TENM3: variants seen among roughly 807,000 people sequenced by gnomAD.
The protein encoded by TENM3 is teneurin transmembrane protein 3.
Under a neutral mutation model 255.1 loss-of-function variants are expected in TENM3, and 63 were observed. The observed-to-expected ratio is 0.25, with a 90% CI of 0.20 to 0.30. The LOEUF (loss-of-function observed/expected upper bound fraction) is 0.30. TENM3 is among the 10% of genes least tolerant of loss of function. The pLI is 1.00. For synonymous variants in TENM3, 1,306 were observed against 1,322.3 expected (o/e 0.99, Z 0.27); for missense variants, 2,929 against 3,461.1 (o/e 0.85, Z 3.86).
At chr4:182,481,902 T>C (rs1020933262) in intron 3 of TENM3, among the ~76,000 whole-genome samples, 2 of 152,242 alleles carry the variant, frequency 1.3e-5, no homozygotes, top group Non-Finnish European at 2.9e-5. Context: ...AGAAGTGATA[T>C]TTTCTTTGTT....
At chr4:182,724,907 G>A (rs751256836) in intron 13 of TENM3, among the ~76,000 whole-genome samples, 4 of 152,172 alleles carry the variant, frequency 2.6e-5, no homozygotes, top group Non-Finnish European at 4.4e-5. Context: ...CCAAGCATAT[G>A]TACCCATTCG....
intron 4 of TENM3, among the ~76,000 whole-genome samples, chr4:182,605,350 G>A (rs1748307172): frequency 6.6e-6 from 1 of 152,134 alleles, no homozygotes; most frequent in South Asian, 2.1e-4. Flanking sequence ...CAGGGTACCT[G>A]TGGGGAAAAG....
At chr4:181,465,468 G>A in the TENM3 span, among the ~76,000 whole-genome samples, 1 of 152,034 alleles carries the variant, frequency 6.6e-6, no homozygotes, top group Non-Finnish European at 1.5e-5. Flanking sequence ...GATTATTCTT[G>A]AACTTCTCTC....
chr4:181,951,051 A>G, the TENM3 span, among the ~76,000 whole-genome samples: 6 of 152,086 alleles, frequency 3.9e-5, no homozygotes, highest in Non-Finnish European at 7.3e-5. Flanking sequence ...CAGAAAAACA[A>G]AAACATCAAC....
chr4:182,169,046 G>C (rs1751916328), intron 1 of TENM3, among the ~76,000 whole-genome samples: 1 of 147,916 alleles, frequency 6.8e-6, no homozygotes. Flanking sequence ...AACGTATATG[G>C]ACAGATATAT....
At chr4:182,787,052 A>G (rs1007304479) in intron 24 of TENM3, among the ~76,000 whole-genome samples, 3 of 152,216 alleles carry the variant, frequency 2.0e-5, no homozygotes, top group African/African-American at 7.2e-5. Context: ...TAAAATATAT[A>G]TATGTAACTA....
chr4:182,559,130 T>A (rs1742885016), intron 3 of TENM3, among the ~76,000 whole-genome samples: 1 of 62,580 alleles, frequency 1.6e-5, no homozygotes. Flanking sequence ...CCTCGGGATT[T>A]TTTTTTTTTT....
the TENM3 span, among the ~76,000 whole-genome samples, chr4:181,663,838 A>G: frequency 2.4e-3 from 369 of 152,254 alleles, 1 homozygote; most frequent in African/African-American, 8.3e-3. Flanking sequence ...TTTCCTTGCC[A>G]TGCTTTTTGA....
intron 3 of TENM3, among the ~76,000 whole-genome samples, chr4:182,564,762 G>A (rs756708810): frequency 3.3e-5 from 5 of 151,980 alleles, no homozygotes; most frequent in African/African-American, 1.2e-4. Context: ...CCTCCATCTG[G>A]TAGTTGATCT....
At chr4:182,226,278 G>A (rs1172730734) in intron 1 of TENM3, among the ~76,000 whole-genome samples, 1 of 152,126 alleles carries the variant, frequency 6.6e-6, no homozygotes, top group African/African-American at 2.4e-5. Flanking sequence ...AGGAGACTGT[G>A]CTAAGAGTGA....
At position 182,799,612 on chromosome 4, in the gene TENM3, A is replaced by G. The variant is rs1766756231; in HGVS notation, c.7361A>G (p.Gln2454Arg). ...WDDIPPIFGV[Q>R]QQVARQAKAF... Reference sequence around the variant, plus strand: ...CGCCCGCAGCCCATCTTCGGAGTCCAGCAGCAAGTGGCGCGGCAGGCCAAG... The same window carrying G: ...CGCCCGCAGCCCATCTTCGGAGTCCGGCAGCAAGTGGCGCGGCAGGCCAAG... The change falls in exon 28 of 28, where the codon CAG becomes CGG. Residue 2454 changes from glutamine (Q) to arginine (R), a missense_variant. Transcript: ENST00000511685. This position sits in a 1 kb window ranked among gnomAD's most constrained non-coding sequence, Gnocchi z 4.2. 1 of 1,542,086 alleles carries G rather than the reference A, an allele frequency of 6.5e-7. No individual in the cohort carries two copies. Among genetic ancestry groups the G allele is most frequent in the South Asian group, 1.2e-5 (1 of 84,032 alleles).
intron 12 of TENM3, among the ~76,000 whole-genome samples, chr4:182,713,347 A>G (rs1337052231): frequency 6.6e-6 from 1 of 152,174 alleles, no homozygotes; most frequent in Non-Finnish European, 1.5e-5. Flanking sequence ...CAGCTATTAC[A>G]TTTAGTTGGA....
At chr4:182,479,964 T>C (rs186133358) in intron 3 of TENM3, among the ~76,000 whole-genome samples, 1 of 152,112 alleles carries the variant, frequency 6.6e-6, no homozygotes, top group Admixed American at 6.5e-5. Flanking sequence ...TAAATGTATT[T>C]AGAAAAGACA....
chr4:182,161,639 GTA>G (rs147887811), intron 1 of TENM3, among the ~76,000 whole-genome samples: 29,793 of 87,658 alleles, frequency 0.34, 6,386 homozygotes, highest in South Asian at 0.55. Flanking sequence ...ATATATATAT[GTA>G]TATATATATA....
intron 5 of TENM3, among the ~76,000 whole-genome samples, chr4:182,630,281 A>G (rs1394775029): frequency 6.6e-6 from 1 of 152,176 alleles, no homozygotes; most frequent in Non-Finnish European, 1.5e-5. Flanking sequence ...AGTGAAGGTA[A>G]ATGAGTAATT....
chr4:181,538,864 T>G, the TENM3 span, among the ~76,000 whole-genome samples: 1 of 152,252 alleles, frequency 6.6e-6, no homozygotes, highest in African/African-American at 2.4e-5. Flanking sequence ...AAATAAATCC[T>G]GAATGAACAC....
the TENM3 span, among the ~76,000 whole-genome samples, chr4:182,003,073 G>A: frequency 6.6e-6 from 1 of 152,022 alleles, no homozygotes; most frequent in South Asian, 2.1e-4. Flanking sequence ...TTGAATAATG[G>A]GTATTTCTGG....
At chr4:181,529,124 A>G in the TENM3 span, among the ~76,000 whole-genome samples, 134 of 152,328 alleles carry the variant, frequency 8.8e-4, no homozygotes, top group Non-Finnish European at 1.7e-3. Flanking sequence ...ATCTTGCCCA[A>G]TGCTCTACTG....
chr4:181,694,562 C>A, the TENM3 span, among the ~76,000 whole-genome samples: 2 of 152,186 alleles, frequency 1.3e-5, no homozygotes, highest in African/African-American at 4.8e-5. Flanking sequence ...CAGTGCACTT[C>A]TTTACAGGTT....
Sources: allele counts gnomAD v4.1 joint callset (sites outside exome capture counted in the v4.1 genomes callset), GRCh38; gene constraint gnomAD v4.1.1; non-coding constraint Gnocchi (gnomAD v3.1); transcripts MANE v1.5; gene names NCBI Gene and HGNC (gene_info 2026-07-23, HGNC 2026-07-21).